The following C16orf96 variants were observed in gnomAD, a reference collection of about 807,000 sequenced individuals.
The protein encoded by C16orf96 is uncharacterized protein C16orf96.
In C16orf96, 108 loss-of-function variants were observed where a neutral mutation model predicts 103.6. That is an observed-to-expected ratio of 1.04 (90% CI 0.89 to 1.22). The LOEUF (loss-of-function observed/expected upper bound fraction) is 1.22, where lower values mean the gene tolerates loss of function less well. Among genes scored for constraint, C16orf96 ranks in the 50% most tolerant of loss-of-function variants. C16orf96 has a pLI of 0.00. For synonymous variants in C16orf96, 566 were observed against 593.5 expected, an observed-to-expected ratio of 0.95 and a Z score of 0.67; for missense variants, 1,586 against 1,464.2, an observed-to-expected ratio of 1.08 and a Z score of -1.36.
At chr16:4,579,210 G>GC (rs1339955604) in intron 6 of C16orf96, among the ~76,000 whole-genome samples, 185 bp downstream of exon 6, 2 of 151,958 alleles carry the variant, frequency 1.3e-5, no homozygotes, top group African/African-American at 4.8e-5. Flanking sequence ...GCGGTGGGGG[G>GC]GCCCAGCAGG....
At chr16:4,595,001 C>G (rs35097394) in intron 14 of C16orf96, among the ~76,000 whole-genome samples, 198 bp downstream of exon 14, 2 of 152,108 alleles carry the variant, frequency 1.3e-5, no homozygotes, top group Non-Finnish European at 2.9e-5. Context: ...ACCGCGGGAG[C>G]GAGGATCTGC....
At position 4,575,291 on chromosome 16, in the gene C16orf96, G is replaced by A. The variant is rs375733441; in HGVS notation, c.811G>A (p.Val271Ile). 29 of 1,550,922 alleles carry A rather than the reference G, an allele frequency of 1.9e-5. No homozygotes were observed. In the East Asian group the frequency reaches 2.0e-4, roughly 10 times the overall value. The change falls in exon 5 of 16, where the codon GTC (valine) becomes ATC (isoleucine). Residue 271 changes from valine to isoleucine, a missense_variant. Coordinates refer to ENST00000444310, the MANE Select transcript of C16orf96 (RefSeq NM_001145011.2). ...ATRAIQVSEP[V>I]QNPQLLQTVW... ...TCGTGCCATCCAGGTCTCCGAGCCC[G>A]TCCAAAACCCCCAGCTACTGCAGAC...
chr16:4,540,095 C>A, the C16orf96 span, among the ~76,000 whole-genome samples: 2 of 152,212 alleles, frequency 1.3e-5, no homozygotes, highest in African/African-American at 4.8e-5. Flanking sequence ...TGTCTTGATA[C>A]ATTGGCTCTA....
In C16orf96 at chr16:4,575,076, G is replaced by A. The variant is rs1458230308; in HGVS notation, c.693+18G>A. 1 of 1,551,198 alleles carries A rather than the reference G, an allele frequency of 6.4e-7. No homozygotes were observed. The highest frequency in any genetic ancestry group is 1.4e-5 in the African/African-American group (1 of 73,190). On this transcript the variant is annotated intron_variant, in intron 4 of 15. Coordinates refer to ENST00000444310, the MANE Select transcript of C16orf96 (RefSeq NM_001145011.2). The stretch of plus-strand genomic sequence containing the variant: ...TCACCTCAGTGAGTGAGGAAGGAAG[G>A]GGAGGTTAGCAGGAAGCTGGGGAGC...
intron 1 of C16orf96, among the ~76,000 whole-genome samples, chr16:4,559,723 C>A (rs78251995): frequency 0.012 from 1,795 of 152,210 alleles, 41 homozygotes; most frequent in African/African-American, 0.04. Context: ...CCATTTCCAT[C>A]ACCCTGAAAG....
At chr16:4,555,269 TACAC>T (rs71139639), upstream of C16orf96, among the ~76,000 whole-genome samples, 2,263 of 145,630 alleles carry the variant, frequency 0.016, 28 homozygotes, top group South Asian at 0.022. Context: ...TCACACACAC[TACAC>T]ACACACACAC....
chr16:4,543,017 T>C, the C16orf96 span, among the ~76,000 whole-genome samples: 2 of 152,116 alleles, frequency 1.3e-5, no homozygotes, highest in African/African-American at 4.8e-5. Flanking sequence ...GGCCTGGAAA[T>C]ACACAAAATG....
intron 1 of C16orf96, among the ~76,000 whole-genome samples, chr16:4,570,802 C>T (rs2059429759): frequency 6.6e-6 from 1 of 152,126 alleles, no homozygotes; most frequent in South Asian, 2.1e-4. Context: ...GTGAGGATTT[C>T]TCCCTACAGC....
intron 7 of C16orf96, 119 bp downstream of exon 7, chr16:4,580,244 G>C (rs1193180933): frequency 1.4e-6 from 1 of 715,202 alleles, no homozygotes; most frequent in Non-Finnish European, 2.2e-6. Flanking sequence ...CTGGGAACCA[G>C]TGGGGCTTTA....
the C16orf96 span, among the ~76,000 whole-genome samples, chr16:4,548,228 G>C: frequency 6.6e-6 from 1 of 152,172 alleles, no homozygotes; most frequent in African/African-American, 2.4e-5. Flanking sequence ...GCCCACGGCT[G>C]TCCTGAATGG....
At chr16:4,544,068 A>AG in the C16orf96 span, among the ~76,000 whole-genome samples, 1 of 152,100 alleles carries the variant, frequency 6.6e-6, no homozygotes, top group Non-Finnish European at 1.5e-5. Context: ...GAAACTAAGG[A>AG]GGGGTCATAG....
At chr16:4,566,418 T>C (rs2059386385) in intron 1 of C16orf96, among the ~76,000 whole-genome samples, 2 of 152,244 alleles carry the variant, frequency 1.3e-5, no homozygotes, top group African/African-American at 4.8e-5. Context: ...TTCATTTCCC[T>C]GATGACGAAT....
At chr16:4,573,615 G>T (rs1479540705) in intron 2 of C16orf96, among the ~76,000 whole-genome samples, 1 of 150,988 alleles carries the variant, frequency 6.6e-6, no homozygotes, top group Non-Finnish European at 1.5e-5. Flanking sequence ...AGCTGGATGT[G>T]GTGGCAGGTA....
chr16:4,587,110 A>G lies in C16orf96; in HGVS notation c.2424A>G (p.Arg808=), dbSNP rs1447490731. The G allele has an allele frequency of 6.4e-7, 1 of 1,551,488 alleles. No homozygotes were observed. Among genetic ancestry groups the G allele is most frequent in the Non-Finnish European group, 8.7e-7 (1 of 1,146,890 alleles). The part of the protein sequence containing the change: ...VNKSTMEEEL[R]EKADRSALAG... ...AGAGCACGATGGAGGAGGAGCTGAGAGAGGTGAGTGAGCAGAGGTTCCTCT... is the reference window on the plus strand; with the variant it reads ...AGAGCACGATGGAGGAGGAGCTGAGGGAGGTGAGTGAGCAGAGGTTCCTCT... Residue 808 remains arginine, a synonymous_variant, in exon 8 of 16, where the codon AGA becomes AGG. Coordinates refer to ENST00000444310, the MANE Select transcript of C16orf96 (RefSeq NM_001145011.2).
the C16orf96 span, among the ~76,000 whole-genome samples, chr16:4,547,689 CTTCTTTCT>C: frequency 1.1e-3 from 25 of 22,590 alleles, no homozygotes; most frequent in African/African-American, 2.7e-3. Flanking sequence ...TCCTTCCTTC[CTTCTTTCT>C]TTCTTTCTTT....
rs1329345353 is a variant in C16orf96 at position 4,576,226 on chromosome 16, A to G, written c.1746A>G (p.Thr582=). 1.3e-6 allele frequency: 2 copies of G among 1,550,750 alleles called. No individual in the cohort carries two copies. The highest frequency in any genetic ancestry group is 1.7e-6 in the Non-Finnish European group (2 of 1,146,960). The change falls in exon 5 of 16, where the codon ACA becomes ACG. Residue 582 remains threonine (T), a synonymous_variant. Coordinates refer to ENST00000444310, the MANE Select transcript of C16orf96 (RefSeq NM_001145011.2). ...CCGCCGCAGCCTACGCCGCTGCCACATCCTCCGCTGCCCAGGCAGCCAAAG... is the reference window on the plus strand; with the variant it reads ...CCGCCGCAGCCTACGCCGCTGCCACGTCCTCCGCTGCCCAGGCAGCCAAAG... The part of the protein sequence containing the change: ...AAAAAAYAAA[T]SSAAQAAKVA...
At chr16:4,583,737 A>G (rs3859157) in intron 7 of C16orf96, among the ~76,000 whole-genome samples, 21,948 of 151,776 alleles carry the variant, frequency 0.14, 1,816 homozygotes, top group South Asian at 0.22. Context: ...AGTCTGGCCA[A>G]CATGGTGAAA....
rs1023374630 is a variant in C16orf96, at chr16:4,575,888, C to T, written c.1408C>T (p.Arg470Trp). Reference sequence around the variant, plus strand: ...TGATGTCCCCAGCCTAAGGGGCCTTCGGGAGAGGGCCCGCAAGGATGGGGC... The same window carrying T: ...TGATGTCCCCAGCCTAAGGGGCCTTTGGGAGAGGGCCCGCAAGGATGGGGC... ...ENDVPSLRGL[R>W]ERARKDGAPK... is the part of the protein sequence containing the mutation. Residue 470 changes from arginine to tryptophan, a missense_variant, in exon 5 of 16, where the codon CGG becomes TGG. Transcript: ENST00000444310. The T allele has an allele frequency of 6.4e-6, 10 of 1,551,398 alleles. No individual in the cohort carries two copies. The highest frequency in any genetic ancestry group is 3.9e-5 in the Admixed American group (2 of 50,968).
intron 7 of C16orf96, among the ~76,000 whole-genome samples, chr16:4,584,914 A>C (rs1469607420): frequency 3.3e-5 from 5 of 151,092 alleles, no homozygotes; most frequent in Non-Finnish European, 5.9e-5. Context: ...CAAGTGATCC[A>C]CCCACCTCAG....
Sources: gnomAD v4.1 joint callset for allele counts (sites outside exome capture counted in the v4.1 genomes callset) on GRCh38, gnomAD v4.1.1 for gene constraint, MANE v1.5 for transcripts, NCBI Gene and HGNC (gene_info 2026-07-23, HGNC 2026-07-21) for gene names.